Variants in L3MBTL3 observed in about 807,000 individuals in gnomAD.
The protein encoded by L3MBTL3 is lethal(3)malignant brain tumor-like protein 3.
Under a neutral mutation model 102.3 loss-of-function variants are expected in L3MBTL3, and 27 were observed. That is an observed-to-expected ratio of 0.26 (90% CI 0.19 to 0.36). L3MBTL3 has a LOEUF of 0.36. Ranked by LOEUF, L3MBTL3 falls within the 10% of genes least tolerant of loss-of-function variation. The probability of loss-of-function intolerance (pLI) is 1.00; values close to 1 mark genes in which losing one functional copy is unlikely to be tolerated. For synonymous variants in L3MBTL3, 340 were observed against 320.9 expected (o/e 1.06, Z -0.64); for missense variants, 798 against 955.3 (o/e 0.84, Z 2.17).
chr6:130,041,016 CAA>C (rs1438794222), intron 2 of L3MBTL3, among the ~76,000 whole-genome samples: 2 of 152,162 alleles, frequency 1.3e-5, no homozygotes, highest in Non-Finnish European at 2.9e-5. Flanking sequence ...ACTATCAGTG[CAA>C]ATGTCGACAC....
intron 19 of L3MBTL3, among the ~76,000 whole-genome samples, chr6:130,117,772 T>G (rs1205595714): frequency 1.3e-5 from 2 of 151,544 alleles, no homozygotes; most frequent in African/African-American, 4.8e-5. Context: ...CAATCATGGC[T>G]CACCGCAGCT....
At chr6:130,046,820 A>G (rs1388527450) in intron 3 of L3MBTL3, among the ~76,000 whole-genome samples, 1 of 152,244 alleles carries the variant, frequency 6.6e-6, no homozygotes, top group Non-Finnish European at 1.5e-5. Context: ...AAGCATCACT[A>G]ATTTCAGAAC....
rs370266048 is a variant in L3MBTL3 at position 130,073,398 on chromosome 6, A to C, written c.1244+2271A>C. 9.8e-5 allele frequency among the ~76,000 whole-genome samples: 15 copies of C among 152,300 alleles called. No individual in the cohort carries two copies. In the South Asian group the frequency reaches 3.1e-3, roughly 32 times the overall value. On this transcript the variant is annotated intron_variant, in intron 13 of 22. Coordinates refer to ENST00000361794, the MANE Select transcript of L3MBTL3 (RefSeq NM_032438.4). ...GGTGGGCTATGATGATGGCACTACTAGGGCGATAACTGGGCTCCAGGCCTT... is the reference window on the plus strand; with the variant it reads ...GGTGGGCTATGATGATGGCACTACTCGGGCGATAACTGGGCTCCAGGCCTT...
At chr6:130,062,464 C>A (rs2114922453) in intron 10 of L3MBTL3, among the ~76,000 whole-genome samples, 1 of 151,862 alleles carries the variant, frequency 6.6e-6, no homozygotes, top group African/African-American at 2.4e-5. Flanking sequence ...GGCCTCACTG[C>A]AGCCCCAACC....
At chr6:130,094,424 TATA>T in intron 18 of L3MBTL3, 57 bp downstream of exon 18, 1 of 1,108,002 alleles carries the variant, frequency 9.0e-7, no homozygotes, top group East Asian at 2.5e-5. Context: ...TACATGTATA[TATA>T]ATGAATTTCA....
At chr6:130,076,394 C>T (rs1245299819) in intron 13 of L3MBTL3, among the ~76,000 whole-genome samples, 1 of 152,114 alleles carries the variant, frequency 6.6e-6, no homozygotes, top group Admixed American at 6.6e-5. Context: ...ATCACTTAAC[C>T]TCTTTGATTT....
chr6:130,137,057 T>A (rs932001908), intron 22 of L3MBTL3, among the ~76,000 whole-genome samples: 1 of 152,272 alleles, frequency 6.6e-6, no homozygotes, highest in Admixed American at 6.5e-5. Flanking sequence ...TATTCCCTGC[T>A]ATATGTCTAA....
intron 12 of L3MBTL3, among the ~76,000 whole-genome samples, chr6:130,069,473 A>T (rs1157088180): frequency 1.3e-5 from 2 of 152,200 alleles, no homozygotes; most frequent in Non-Finnish European, 2.9e-5. Context: ...CAGAACTGAC[A>T]CATTGTGTTT....
intron 2 of L3MBTL3, among the ~76,000 whole-genome samples, chr6:130,027,412 T>C (rs1483917991): frequency 1.3e-5 from 2 of 152,176 alleles, no homozygotes; most frequent in Non-Finnish European, 2.9e-5. Context: ...TGATTATTTT[T>C]CTCCATCCAT....
Position 130,042,921 on chromosome 6 carries a change from G to A in L3MBTL3, c.102+120G>A, listed in dbSNP as rs1219820034. 10 of 650,976 alleles carry A rather than the reference G, an allele frequency of 1.5e-5. No individual in the cohort carries two copies. In the Admixed American group the frequency reaches 2.5e-4, roughly 16 times the overall value. 40.3% of individuals were successfully genotyped at this position (650,976 alleles called of 1,614,324 possible). A position where few individuals can be genotyped will look rare whatever the true frequency, so the allele number is the denominator to read the frequency against. On this transcript the variant is annotated intron_variant, in intron 3 of 22. Transcript: ENST00000361794. ...ATTAATCATAGTGGTGTAGGTTTTA[G>A]ATGATGCTTAGACCTCCACAATAAA...
chr6:130,055,636 C>A (rs539921558), intron 8 of L3MBTL3, among the ~76,000 whole-genome samples: 1 of 86,180 alleles, frequency 1.2e-5, no homozygotes, highest in East Asian at 3.7e-4. Context: ...CCCTCCCTCC[C>A]TCCCTCCCTC....
intron 16 of L3MBTL3, among the ~76,000 whole-genome samples, chr6:130,089,098 G>A (rs1475347515): frequency 6.6e-6 from 1 of 151,838 alleles, no homozygotes; most frequent in Non-Finnish European, 1.5e-5. Flanking sequence ...TTAAGTTCTA[G>A]GATATATGTG....
chr6:130,068,310 T>C lies in L3MBTL3; in HGVS notation c.1001-20T>C, dbSNP rs750775122. On this transcript the variant is annotated intron_variant, in intron 11 of 22. Transcript: ENST00000361794. ...ATATTGTGGTATTTGAATCAATCTGTTCATATGTGCTTACTCTAGGGTATA... is the reference window on the plus strand; with the variant it reads ...ATATTGTGGTATTTGAATCAATCTGCTCATATGTGCTTACTCTAGGGTATA... 7.5e-7 allele frequency: 1 copy of C among 1,341,922 alleles called. No homozygotes were observed. Among genetic ancestry groups the C allele is most frequent in the Non-Finnish European group, 1.1e-6 (1 of 933,444 alleles). The allele number at this position is 1,341,922 out of a possible 1,614,324, so 83.1% of individuals were successfully genotyped here.
chr6:130,104,924 A>G (rs957064424), intron 19 of L3MBTL3, among the ~76,000 whole-genome samples: 3 of 152,184 alleles, frequency 2.0e-5, no homozygotes, highest in Non-Finnish European at 4.4e-5. Context: ...AACCTTTATC[A>G]GTAAAGTAGT....
chr6:130,052,796 C>T, intron 6 of L3MBTL3, 63 bp from the exon 7 acceptor site: 1 of 1,519,540 alleles, frequency 6.6e-7, no homozygotes, highest in Non-Finnish European at 8.8e-7. Context: ...CATTGATAAT[C>T]AACAAGTAGA....
intron 20 of L3MBTL3, among the ~76,000 whole-genome samples, chr6:130,124,299 G>T (rs1430293079): frequency 6.6e-6 from 1 of 152,172 alleles, no homozygotes; most frequent in African/African-American, 2.4e-5. Context: ...ATGAAGCCCT[G>T]GTTCTGAAGG....
Position 130,071,142 on chromosome 6 carries a change from G to A in L3MBTL3, c.1244+15G>A, listed in dbSNP as rs759862281. 1 of 1,600,058 alleles carries A rather than the reference G, an allele frequency of 6.2e-7. No homozygotes were observed. Among genetic ancestry groups the A allele is most frequent in the African/African-American group, 1.4e-5 (1 of 73,998 alleles). On this transcript the variant is annotated intron_variant, in intron 13 of 22. Coordinates refer to ENST00000361794, the MANE Select transcript of L3MBTL3 (RefSeq NM_032438.4). ...TATGACTATTGGTGAGACATTTTCT[G>A]TTGTGTGCTTTTAAAAATTTAATAT...
chr6:130,101,826 T>C (rs1000724227), intron 18 of L3MBTL3, among the ~76,000 whole-genome samples: 2 of 152,198 alleles, frequency 1.3e-5, no homozygotes, highest in African/African-American at 4.8e-5. Flanking sequence ...CCTGCATCCA[T>C]GAACTCTGAA....
intron 14 of L3MBTL3, among the ~76,000 whole-genome samples, chr6:130,082,568 A>G (rs939991611): frequency 2.0e-5 from 3 of 152,122 alleles, no homozygotes; most frequent in Admixed American, 1.3e-4. Flanking sequence ...TCCTTTTGAA[A>G]TGTTCTTATC....
Sources: allele counts gnomAD v4.1 joint callset (sites outside exome capture counted in the v4.1 genomes callset), GRCh38; gene constraint gnomAD v4.1.1; transcripts MANE v1.5; gene names NCBI Gene and HGNC (gene_info 2026-07-23, HGNC 2026-07-21).